The following LAMA2 variants were observed in gnomAD, a reference collection of about 807,000 sequenced individuals.
LAMA2 encodes the protein laminin subunit alpha 2.
A neutral mutation model predicts 364.8 loss-of-function variants in LAMA2; 269 were observed. The ratio of observed to expected loss-of-function variants is 0.74; its 90% CI spans 0.67 to 0.82. LAMA2 has a LOEUF of 0.82. Among genes scored for constraint, LAMA2 ranks in the 40% least tolerant of loss-of-function variants. LAMA2 has a pLI of 0.00. For synonymous variants in LAMA2, 1,379 were observed against 1,370.6 expected, an observed-to-expected ratio of 1.01 and a Z score of -0.14; for missense variants, 3,807 against 3,873.2, an observed-to-expected ratio of 0.98 and a Z score of 0.45.
chr6:129,018,991 C>A (rs1785249218), intron 1 of LAMA2, among the ~76,000 whole-genome samples: 1 of 152,106 alleles, frequency 6.6e-6, no homozygotes, highest in Non-Finnish European at 1.5e-5. Flanking sequence ...TCTAAATAGT[C>A]TGACTTTTCT....
chr6:129,171,129 A>G (rs1411597266), intron 9 of LAMA2, among the ~76,000 whole-genome samples: 7 of 152,200 alleles, frequency 4.6e-5, no homozygotes, highest in South Asian at 4.2e-4. Context: ...TCTTTATCCA[A>G]TTTGCCAGTC....
intron 55 of LAMA2, among the ~76,000 whole-genome samples, chr6:129,483,431 GC>G (rs1784448537): frequency 6.6e-6 from 1 of 151,916 alleles, no homozygotes; most frequent in Non-Finnish European, 1.5e-5. Flanking sequence ...TAGACATAAA[GC>G]CCATATGGAG....
At position 129,447,504 on chromosome 6, in the gene LAMA2, G is replaced by T. The variant is rs1782448800; in HGVS notation, c.6429+1683G>T. Among the ~76,000 whole-genome samples, 2 of 152,172 alleles carry T rather than the reference G, an allele frequency of 1.3e-5. 1 individual carries two copies. The highest frequency in any genetic ancestry group is 2.9e-5 in the Non-Finnish European group (2 of 68,028). On this transcript the variant is annotated intron_variant, in intron 45 of 64. Coordinates refer to ENST00000421865, the MANE Select transcript of LAMA2 (RefSeq NM_000426.4). ...CAGTTTGCCCAGAGTAATTGATAAA[G>T]GAAACACATAACCAGAAAGATCAAC...
intron 12 of LAMA2, among the ~76,000 whole-genome samples, chr6:129,228,295 C>T (rs189295678): frequency 7.5e-4 from 114 of 152,180 alleles, no homozygotes; most frequent in Non-Finnish European, 9.8e-4. Flanking sequence ...GGTGATGCCT[C>T]GCCCTGCTTT....
chr6:128,940,347 T>C (rs1456135190), intron 1 of LAMA2, among the ~76,000 whole-genome samples: 1 of 152,188 alleles, frequency 6.6e-6, no homozygotes, highest in Non-Finnish European at 1.5e-5. Flanking sequence ...ATTGCAATTA[T>C]AATTATTGAC....
chr6:129,112,678 G>T (rs1204265335), intron 4 of LAMA2, among the ~76,000 whole-genome samples: 1 of 151,660 alleles, frequency 6.6e-6, no homozygotes, highest in Non-Finnish European at 1.5e-5. Context: ...AAATAAGTCA[G>T]AGAAAAGATC....
intron 12 of LAMA2, among the ~76,000 whole-genome samples, chr6:129,243,499 ATGAG>A (rs1785527287): frequency 6.6e-6 from 1 of 151,786 alleles, no homozygotes; most frequent in East Asian, 1.9e-4. Context: ...AAGAAAAAAT[ATGAG>A]TGAGTAATCC....
At chr6:129,449,538 A>C (rs921136787) in intron 45 of LAMA2, among the ~76,000 whole-genome samples, 2 of 152,124 alleles carry the variant, frequency 1.3e-5, no homozygotes, top group South Asian at 2.1e-4. Context: ...ACACTGTTGC[A>C]CTGAGGATTA....
intron 12 of LAMA2, among the ~76,000 whole-genome samples, chr6:129,204,889 G>C (rs1038033681): frequency 1.3e-5 from 2 of 152,160 alleles, no homozygotes; most frequent in African/African-American, 4.8e-5. Flanking sequence ...GCAGTTTATA[G>C]AGAAGGAAAT....
intron 12 of LAMA2, among the ~76,000 whole-genome samples, chr6:129,198,832 A>G (rs982039727): frequency 6.6e-6 from 1 of 152,204 alleles, no homozygotes; most frequent in Non-Finnish European, 1.5e-5. Flanking sequence ...AAAAATCTAT[A>G]ATGTCAGATA....
At chr6:128,952,811 C>T (rs1040642276) in intron 1 of LAMA2, among the ~76,000 whole-genome samples, 6 of 152,140 alleles carry the variant, frequency 3.9e-5, no homozygotes, top group Non-Finnish European at 8.8e-5. Context: ...TCTATTGACA[C>T]CTCTATTGAT....
At position 129,270,680 on chromosome 6, in the gene LAMA2, T is replaced by C. The variant is rs201162084; in HGVS notation, c.2379T>C (p.Tyr793=). 1 of 1,613,216 alleles carries C rather than the reference T, an allele frequency of 6.2e-7. No homozygotes were observed. The highest frequency in any genetic ancestry group is 8.5e-7 in the Non-Finnish European group (1 of 1,179,432). The part of the protein sequence containing the change: ...PYCDKCLPGF[Y]GEPTKGTSED... Reference sequence around the variant, plus strand: ...GTGATAAATGTCTTCCTGGTTTCTATGGCGAGCCTACTAAAGGAACCTCTG... The same window carrying C: ...GTGATAAATGTCTTCCTGGTTTCTACGGCGAGCCTACTAAAGGAACCTCTG... Residue 793 remains tyrosine, a synonymous_variant, in exon 17 of 65, where the codon TAT becomes TAC. Transcript: ENST00000421865.
chr6:129,107,538 A>G (rs552168764), intron 4 of LAMA2, among the ~76,000 whole-genome samples: 1 of 152,226 alleles, frequency 6.6e-6, no homozygotes, highest in Non-Finnish European at 1.5e-5. Flanking sequence ...GACCAGAAGG[A>G]ATAGGTGAGG....
intron 1 of LAMA2, among the ~76,000 whole-genome samples, chr6:128,964,899 T>C (rs1278908655): frequency 1.3e-5 from 2 of 152,056 alleles, no homozygotes; most frequent in Non-Finnish European, 2.9e-5. Flanking sequence ...GGACTGTTTT[T>C]ATTAACAGAT....
chr6:129,373,274 A>C (rs987504377), intron 34 of LAMA2, among the ~76,000 whole-genome samples: 1 of 152,226 alleles, frequency 6.6e-6, no homozygotes, highest in Non-Finnish European at 1.5e-5. Flanking sequence ...TGCATTTTAC[A>C]CTTAGGTCTA....
chr6:128,966,773 GTTAA>G (rs1781870071), intron 1 of LAMA2, among the ~76,000 whole-genome samples: 1 of 152,094 alleles, frequency 6.6e-6, no homozygotes, highest in African/African-American at 2.4e-5. Flanking sequence ...TCATCAAATG[GTTAA>G]TTCTTTATTA....
intron 12 of LAMA2, among the ~76,000 whole-genome samples, chr6:129,222,614 T>C (rs145815170): frequency 6.3e-4 from 96 of 151,830 alleles, no homozygotes; most frequent in African/African-American, 2.2e-3. Flanking sequence ...GTCCTTGTGA[T>C]AGTTTGCTGA....
intron 4 of LAMA2, among the ~76,000 whole-genome samples, chr6:129,116,252 A>T (rs1776475115): frequency 6.6e-6 from 1 of 152,176 alleles, no homozygotes; most frequent in Non-Finnish European, 1.5e-5. Flanking sequence ...CCCAGCTATT[A>T]AACTGGCAGG....
intron 12 of LAMA2, among the ~76,000 whole-genome samples, chr6:129,224,141 CTGAT>C (rs1179110638): frequency 6.6e-6 from 1 of 152,100 alleles, no homozygotes; most frequent in Non-Finnish European, 1.5e-5. Context: ...ATTTGGCTCT[CTGAT>C]TGTCTGTTGT....
Sources: allele counts gnomAD v4.1 joint callset (sites outside exome capture counted in the v4.1 genomes callset), GRCh38; gene constraint gnomAD v4.1.1; transcripts MANE v1.5; gene names NCBI Gene and HGNC (gene_info 2026-07-23, HGNC 2026-07-21).